NEK6: variants seen among roughly 807,000 people sequenced by gnomAD.
NEK6 encodes the protein NIMA related kinase 6, also known as serine/threonine-protein kinase Nek6.
NEK6 carries 27 observed loss-of-function variants against 43.5 expected under a neutral mutation model. The observed-to-expected ratio is 0.62, with a 90% confidence interval of 0.46 to 0.86. NEK6 has a LOEUF of 0.86. Among genes scored for constraint, NEK6 ranks in the 40% least tolerant of loss-of-function variants. NEK6 has a pLI of 0.00. For missense variants in NEK6, 318 were observed against 414.4 expected, an observed-to-expected ratio of 0.77 and a Z score of 2.02; for synonymous variants, 167 against 164.1, an observed-to-expected ratio of 1.02 and a Z score of -0.14.
At chr9:124,329,858 A>G (rs114380438) in intron 7 of NEK6, among the ~76,000 whole-genome samples, 2,499 of 152,264 alleles carry the variant, frequency 0.016, 72 homozygotes, top group African/African-American at 0.057. Flanking sequence ...ACTAATTACC[A>G]TTGCATCGTG....
rs201673227 is a variant in NEK6 at position 124,312,483 on chromosome 9, C to T, written c.91-26C>T. 1.3e-4 allele frequency: 210 copies of T among 1,606,314 alleles called. No homozygotes were observed. In the African/African-American group the frequency reaches 2.0e-3, roughly 15 times the overall value. ...GCCTCTGCTGCAGCCTGGCTGCTCA[C>T]GGAGGCCCTCTGTCCCCCGTTCCAG... On this transcript the variant is annotated intron_variant, in intron 2 of 9. Transcript: ENST00000320246.
chr9:124,280,849 G>A (rs1362211177), intron 1 of NEK6, among the ~76,000 whole-genome samples: 1 of 152,316 alleles, frequency 6.6e-6, no homozygotes, highest in East Asian at 1.9e-4. Context: ...CTGGAGGGTA[G>A]TGTCGTGATC....
At chr9:124,306,362 A>C (rs1035053391) in intron 2 of NEK6, among the ~76,000 whole-genome samples, 2 of 151,984 alleles carry the variant, frequency 1.3e-5, no homozygotes, top group Non-Finnish European at 2.9e-5. Flanking sequence ...AACCATAATG[A>C]TTTAGATCGT....
At chr9:124,274,532 G>A (rs1831577997) in intron 1 of NEK6, among the ~76,000 whole-genome samples, 1 of 152,212 alleles carries the variant, frequency 6.6e-6, no homozygotes. Context: ...TTTCGTGGAG[G>A]ACCAGCAGTG....
At chr9:124,258,327 G>C in intron 1 of NEK6, 1 of 985,234 alleles carries the variant, frequency 1.0e-6, no homozygotes, top group South Asian at 4.7e-5. Flanking sequence ...GCGGGTGTGC[G>C]TGTGCACCCC....
chr9:124,289,442 G>A (rs1832313037), intron 1 of NEK6, among the ~76,000 whole-genome samples: 1 of 152,062 alleles, frequency 6.6e-6, no homozygotes, highest in African/African-American at 2.4e-5. Context: ...TATCCCTGAA[G>A]GATCTGGCCC....
At chr9:124,348,499 T>C (rs1336117541) in intron 9 of NEK6, among the ~76,000 whole-genome samples, 2 of 152,154 alleles carry the variant, frequency 1.3e-5, no homozygotes, top group African/African-American at 2.4e-5. Flanking sequence ...GGGTCAAAAG[T>C]GTAGATACAT....
At chr9:124,349,753 T>C (rs1830149380) in intron 9 of NEK6, among the ~76,000 whole-genome samples, 1 of 152,240 alleles carries the variant, frequency 6.6e-6, no homozygotes, top group South Asian at 2.1e-4. Context: ...CACAGGTACC[T>C]TCCCCCGAAT....
Position 124,326,202 on chromosome 9 carries a change from T to TCC in NEK6, c.406-118_406-117dup, listed in dbSNP as rs61223297. On this transcript the variant is annotated intron_variant, in intron 5 of 9. Transcript: ENST00000320246. The surrounding 1 kb of genome is among the most constrained non-coding windows in gnomAD (Gnocchi z 4.5). ...GCTTATTGTTTGCTCAGTGGCTCAATCCCCCCCCCCCGCCCCTGCCAGGCA... is the reference window on the plus strand; with the variant it reads ...GCTTATTGTTTGCTCAGTGGCTCAATCCCCCCCCCCCCCGCCCCTGCCAGGCA... 153 of 125,300 alleles carry TCC rather than the reference T, an allele frequency of 1.2e-3. No homozygotes were observed. Among genetic ancestry groups the TCC allele is most frequent in the East Asian group, 2.6e-3 (27 of 10,206 alleles). 7.8% of individuals were successfully genotyped at this position (125,300 alleles called of 1,614,324 possible).
In NEK6 at chr9:124,331,698, C is replaced by A. The variant is rs1045508792; in HGVS notation, c.622+4253C>A. Among the ~76,000 whole-genome samples the A allele has an allele frequency of 2.6e-5, 4 of 152,316 alleles. No homozygotes were observed. The South Asian group carries it at 6.2e-4, about 24-fold the overall frequency. Reference sequence around the variant, plus strand: ...ATGGTGTGTGTCAGCGCTGCCTTGCCGGGGATCACACCATGCTGTGCTGCG... The same window carrying A: ...ATGGTGTGTGTCAGCGCTGCCTTGCAGGGGATCACACCATGCTGTGCTGCG... On this transcript the variant is annotated intron_variant, in intron 7 of 9. Transcript: ENST00000320246.
intron 7 of NEK6, 44 bp from the exon 8 acceptor site, chr9:124,339,527 C>T (rs1829479346): frequency 7.1e-7 from 1 of 1,414,582 alleles, no homozygotes; most frequent in Non-Finnish European, 1.0e-6. Flanking sequence ...CCTGCCCCTG[C>T]CCTACATGGA....
chr9:124,307,157 G>A (rs1311872297), intron 2 of NEK6, among the ~76,000 whole-genome samples: 1 of 151,884 alleles, frequency 6.6e-6, no homozygotes, highest in Non-Finnish European at 1.5e-5. Flanking sequence ...GTCTATGGCT[G>A]AGGCTGATTG....
chr9:124,283,741 C>T (rs1229141710), intron 1 of NEK6, among the ~76,000 whole-genome samples: 2 of 152,244 alleles, frequency 1.3e-5, no homozygotes, highest in Non-Finnish European at 2.9e-5. Flanking sequence ...TTGCACGTGC[C>T]ATGCCCTCTG....
intron 5 of NEK6, among the ~76,000 whole-genome samples, chr9:124,325,131 C>T (rs892641546): frequency 2.0e-5 from 3 of 151,720 alleles, no homozygotes; most frequent in East Asian, 1.9e-4. Flanking sequence ...GCTGAGATCA[C>T]GCCACTGCAC....
intron 1 of NEK6, among the ~76,000 whole-genome samples, chr9:124,273,663 C>T (rs1831536743): frequency 6.6e-6 from 1 of 152,220 alleles, no homozygotes; most frequent in Admixed American, 6.5e-5. Context: ...CCGTGCTCTG[C>T]ATTCACGAAA....
intron 1 of NEK6, among the ~76,000 whole-genome samples, chr9:124,272,930 G>GCCA (rs1588443105): frequency 1.3e-5 from 2 of 152,316 alleles, no homozygotes; most frequent in East Asian, 3.9e-4. Flanking sequence ...GTGAATGGAT[G>GCCA]TTTTTTTAAT....
intron 7 of NEK6, among the ~76,000 whole-genome samples, chr9:124,334,944 G>C (rs1829211849): frequency 6.6e-6 from 1 of 152,184 alleles, no homozygotes; most frequent in Admixed American, 6.5e-5. Flanking sequence ...ACTCAGGGTG[G>C]GAAGAGCCTG....
Position 124,329,534 on chromosome 9 carries a change from C to A in NEK6, c.622+2089C>A, listed in dbSNP as rs373560801. On this transcript the variant is annotated intron_variant, in intron 7 of 9. Coordinates refer to ENST00000320246, the MANE Select transcript of NEK6 (RefSeq NM_014397.6). ...CCTCATAAGCCGGGCTCTTCCCAAGCCCTCCGAGCGCCGACCAGGCCACAT... is the reference window on the plus strand; with the variant it reads ...CCTCATAAGCCGGGCTCTTCCCAAGACCTCCGAGCGCCGACCAGGCCACAT... Among the ~76,000 whole-genome samples the A allele has an allele frequency of 3.4e-4, 52 of 152,358 alleles. 1 individual carries two copies. The East Asian group carries it at 5.0e-3, about 15-fold the overall frequency.
chr9:124,292,387 A>G, intron 1 of NEK6: 2 of 1,521,314 alleles, frequency 1.3e-6, no homozygotes, highest in South Asian at 1.2e-5. Context: ...GTTTCCAGGG[A>G]AGCAGAAAAA....
Sources: gnomAD v4.1 joint callset for allele counts (sites outside exome capture counted in the v4.1 genomes callset) on GRCh38, gnomAD v4.1.1 for gene constraint, Gnocchi (gnomAD v3.1) non-coding constraint, MANE v1.5 for transcripts, NCBI Gene and HGNC (gene_info 2026-07-23, HGNC 2026-07-21) for gene names.